Variants in TSNARE1 observed in about 807,000 individuals in gnomAD.
TSNARE1 encodes the protein t-SNARE domain containing 1.
TSNARE1 carries 49 observed loss-of-function variants against 62.0 expected under a neutral mutation model. The ratio of observed to expected loss-of-function variants is 0.79; its 90% CI spans 0.63 to 1.00. The LOEUF (loss-of-function observed/expected upper bound fraction) is 1.00. Ranked by LOEUF, TSNARE1 falls within the 50% of genes least tolerant of loss-of-function variation. The pLI is 0.00. For missense variants in TSNARE1, 755 were observed against 700.1 expected (o/e 1.08, Z -0.88); for synonymous variants, 328 against 294.4 (o/e 1.11, Z -1.17).
chr8:142,391,307 A>G (rs1837508951), intron 1 of TSNARE1, among the ~76,000 whole-genome samples: 1 of 146,002 alleles, frequency 6.8e-6, no homozygotes, highest in East Asian at 2.1e-4. Flanking sequence ...GACGCTGTAC[A>G]CTGCTGGAGA....
chr8:142,375,816 G>A (rs553348815), intron 1 of TSNARE1, among the ~76,000 whole-genome samples: 27 of 152,320 alleles, frequency 1.8e-4, no homozygotes, highest in African/African-American at 5.5e-4. Context: ...TTGCTCCCAG[G>A]CCTGGCTGGC....
intron 9 of TSNARE1, among the ~76,000 whole-genome samples, chr8:142,312,569 TA>T (rs969229758): frequency 2.6e-5 from 4 of 152,150 alleles, no homozygotes; most frequent in African/African-American, 9.7e-5. Context: ...GGGTGGGCCT[TA>T]AAATCCAACT....
chr8:142,275,463 A>C (rs1289500724), intron 11 of TSNARE1: 11 of 985,406 alleles, frequency 1.1e-5, no homozygotes, highest in African/African-American at 5.2e-5. Context: ...AAGCCACATC[A>C]GCAGGGCCCA....
chr8:142,386,431 T>C (rs1441155621), intron 1 of TSNARE1, among the ~76,000 whole-genome samples: 1 of 151,904 alleles, frequency 6.6e-6, no homozygotes, highest in African/African-American at 2.4e-5. Context: ...GGAAAGAAAA[T>C]GGACCACAGA....
intron 9 of TSNARE1, among the ~76,000 whole-genome samples, chr8:142,302,080 A>C (rs892853628): frequency 6.6e-6 from 1 of 151,758 alleles, no homozygotes; most frequent in Non-Finnish European, 1.5e-5. Flanking sequence ...ATGACCCCCC[A>C]CCCACCATAT....
At chr8:142,374,075 A>G (rs1349239067) in intron 1 of TSNARE1, among the ~76,000 whole-genome samples, 2 of 152,196 alleles carry the variant, frequency 1.3e-5, no homozygotes, top group African/African-American at 4.8e-5. Flanking sequence ...AGGCTGAAGC[A>G]GCCAGATCAC....
chr8:142,379,864 T>C (rs577322910), intron 1 of TSNARE1, among the ~76,000 whole-genome samples: 105 of 152,278 alleles, frequency 6.9e-4, no homozygotes, highest in African/African-American at 2.2e-3. Flanking sequence ...ATCTACAGCC[T>C]TCAGCAGGCT....
At chr8:142,372,252 C>CT (rs961188034) in intron 1 of TSNARE1, among the ~76,000 whole-genome samples, 1 of 152,328 alleles carries the variant, frequency 6.6e-6, no homozygotes, top group Non-Finnish European at 1.5e-5. Flanking sequence ...AGGATGGGCC[C>CT]TGGGCATGTT....
At chr8:142,222,419 T>TCCAC (rs1816366596) in intron 13 of TSNARE1, among the ~76,000 whole-genome samples, 1 of 135,324 alleles carries the variant, frequency 7.4e-6, no homozygotes. Context: ...CACTCACTCA[T>TCCAC]TCACTCACTC....
chr8:142,403,916 C>G (rs552365414), upstream of TSNARE1: 1 of 152,442 alleles, frequency 6.6e-6, no homozygotes, highest in Admixed American at 6.5e-5. Flanking sequence ...TCCCGGTGAC[C>G]TGCTGGAGAA....
chr8:142,374,679 C>CAAAAAA (rs1219756682), intron 1 of TSNARE1, among the ~76,000 whole-genome samples: 25 of 59,370 alleles, frequency 4.2e-4, no homozygotes, highest in Admixed American at 3.2e-3. Flanking sequence ...GACGCTGTCT[C>CAAAAAA]AAAAAAAAAA....
chr8:142,305,028 G>A (rs754094898), intron 9 of TSNARE1, among the ~76,000 whole-genome samples: 2 of 152,216 alleles, frequency 1.3e-5, no homozygotes, highest in Non-Finnish European at 2.9e-5. Flanking sequence ...TGTGCCCGAG[G>A]ACGGAGATGT....
intron 5 of TSNARE1, among the ~76,000 whole-genome samples, chr8:142,331,550 G>A (rs761230305): frequency 3.9e-5 from 6 of 152,230 alleles, no homozygotes; most frequent in South Asian, 2.1e-4. Context: ...CATGAAACCC[G>A]GGACTGCACT....
chr8:142,278,763 G>A, intron 11 of TSNARE1: 1 of 985,428 alleles, frequency 1.0e-6, no homozygotes, highest in Non-Finnish European at 1.2e-6. Flanking sequence ...CTGACAGGCT[G>A]AGAGTCACCG....
chr8:142,297,609 G>T (rs4468046), intron 10 of TSNARE1, among the ~76,000 whole-genome samples: 1 of 152,094 alleles, frequency 6.6e-6, no homozygotes, highest in African/African-American at 2.4e-5. Context: ...GCCGAGGTGC[G>T]TAACACAGCT....
intron 11 of TSNARE1, chr8:142,276,357 G>A: frequency 1.0e-6 from 1 of 985,476 alleles, no homozygotes; most frequent in Non-Finnish European, 1.2e-6. Context: ...TGGGGCCAGA[G>A]GTGTGACGGA....
rs1024078591 is a variant in TSNARE1, at chr8:142,352,250, G to T, written c.88+2387C>A. Among the ~76,000 whole-genome samples the T allele has an allele frequency of 2.0e-5, 3 of 150,592 alleles. No homozygotes were observed. The East Asian group carries it at 5.8e-4, about 29-fold the overall frequency. ...GCAGACAAACAGTGCTCACTGGCAG[G>T]AAGACCCACATGCCCAATAAACACG... On this transcript the variant is annotated intron_variant, in intron 2 of 13. Transcript: ENST00000524325.
intron 9 of TSNARE1, among the ~76,000 whole-genome samples, chr8:142,308,748 A>G (rs960114763): frequency 4.6e-5 from 7 of 152,122 alleles, no homozygotes; most frequent in African/African-American, 1.4e-4. Context: ...TGGGTCTTTC[A>G]TATTTCCATA....
intron 13 of TSNARE1, among the ~76,000 whole-genome samples, chr8:142,226,361 G>A (rs1816772487): frequency 6.6e-6 from 1 of 152,184 alleles, no homozygotes. Flanking sequence ...ACTGGCAGCA[G>A]GCGGGGGTCC....
Sources: allele counts gnomAD v4.1 joint callset (sites outside exome capture counted in the v4.1 genomes callset), GRCh38; gene constraint gnomAD v4.1.1; transcripts MANE v1.5; gene names NCBI Gene and HGNC (gene_info 2026-07-23, HGNC 2026-07-21).